PTPRG: variants seen among roughly 807,000 people sequenced by gnomAD.
PTPRG encodes receptor-type tyrosine-protein phosphatase gamma.
A neutral mutation model predicts 165.3 loss-of-function variants in PTPRG; 102 were observed. The ratio of observed to expected loss-of-function variants is 0.62; its 90% CI spans 0.53 to 0.73. The LOEUF (loss-of-function observed/expected upper bound fraction) is 0.73, where lower values mean the gene tolerates loss of function less well. PTPRG is among the 30% of genes least tolerant of loss of function. The probability of loss-of-function intolerance (pLI) is 0.00; values close to 1 mark genes in which losing one functional copy is unlikely to be tolerated. For synonymous variants in PTPRG, 675 were observed against 669.5 expected (o/e 1.01, Z -0.13); for missense variants, 1,866 against 1,861.4 (o/e 1.00, Z -0.05).
At chr3:62,266,975 G>T (rs1166206047) in intron 17 of PTPRG, among the ~76,000 whole-genome samples, 1 of 151,546 alleles carries the variant, frequency 6.6e-6, no homozygotes, top group Non-Finnish European at 1.5e-5. Context: ...GTTCTGTTAG[G>T]GTAGCAGGGA....
chr3:61,710,640 ATTG>A (rs2031503806), intron 1 of PTPRG, among the ~76,000 whole-genome samples: 1 of 151,652 alleles, frequency 6.6e-6, no homozygotes, highest in Non-Finnish European at 1.5e-5. Context: ...CTCATTAGCT[ATTG>A]TTAGTGTTAG....
At chr3:61,890,412 G>GTTTTTTTTTTTTTTTTTT (rs1388100597) in intron 2 of PTPRG, among the ~76,000 whole-genome samples, 11 of 95,414 alleles carry the variant, frequency 1.2e-4, no homozygotes, top group African/African-American at 2.7e-4. Context: ...CTTGTTCTTT[G>GTTTTTTTTTTTTTTTTTT]TTTTTTTTTT....
At chr3:61,594,396 C>G (rs1250836369) in intron 1 of PTPRG, among the ~76,000 whole-genome samples, 3 of 151,908 alleles carry the variant, frequency 2.0e-5, no homozygotes, top group Non-Finnish European at 4.4e-5. Context: ...GCCTGAGGTG[C>G]AGATAGGCTC....
At chr3:61,926,714 A>G (rs927885793) in intron 2 of PTPRG, among the ~76,000 whole-genome samples, 20 of 151,594 alleles carry the variant, frequency 1.3e-4, no homozygotes, top group African/African-American at 4.9e-4. Context: ...TCCCATTCAT[A>G]TAAATGCCAT....
intron 1 of PTPRG, among the ~76,000 whole-genome samples, chr3:61,713,679 T>C (rs1414476851): frequency 1.3e-5 from 2 of 152,192 alleles, no homozygotes; most frequent in East Asian, 3.9e-4. Context: ...CAGTCCCAGA[T>C]TTTACGTGCT....
At chr3:61,915,133 G>A (rs952685702) in intron 2 of PTPRG, among the ~76,000 whole-genome samples, 2 of 152,210 alleles carry the variant, frequency 1.3e-5, no homozygotes, top group East Asian at 3.9e-4. Context: ...GGAGGCTGAG[G>A]CAGGAGAATC....
rs887188869 is a variant in PTPRG at position 62,083,880 on chromosome 3, C to T, written c.615+5622C>T. Among the ~76,000 whole-genome samples the T allele has an allele frequency of 2.0e-5, 3 of 152,102 alleles. No homozygotes were observed. In the South Asian group the frequency reaches 6.2e-4, roughly 32 times the overall value. On this transcript the variant is annotated intron_variant, in intron 5 of 29. Coordinates refer to ENST00000474889, the MANE Select transcript of PTPRG (RefSeq NM_002841.4). ...CAGATGCACATAGAAGTTTGGTATT[C>T]CTGTTCTTTATCTTTGGTTAATTGT...
chr3:61,711,894 T>C (rs992938055), intron 1 of PTPRG, among the ~76,000 whole-genome samples: 1 of 75,234 alleles, frequency 1.3e-5, no homozygotes, highest in Admixed American at 1.7e-4. Context: ...TATTATAGTC[T>C]TTTTTTTTTT....
At chr3:61,733,545 A>G (rs910587270) in intron 1 of PTPRG, among the ~76,000 whole-genome samples, 1 of 152,220 alleles carries the variant, frequency 6.6e-6, no homozygotes, top group African/African-American at 2.4e-5. Flanking sequence ...GTACATGGTA[A>G]GTGCTAAAGA....
At chr3:61,703,410 T>C (rs1170705147) in intron 1 of PTPRG, among the ~76,000 whole-genome samples, 3 of 152,210 alleles carry the variant, frequency 2.0e-5, no homozygotes, top group African/African-American at 7.2e-5. Flanking sequence ...AGTAGCTGTG[T>C]CAACTAGGCT....
Position 62,116,290 on chromosome 3 carries a change from A to G in PTPRG, c.616-16312A>G, listed in dbSNP as rs117432633. 1.5e-3 allele frequency among the ~76,000 whole-genome samples: 227 copies of G among 152,266 alleles called. 3 individuals are homozygous for G. The highest frequency in any genetic ancestry group is 0.011 in the South Asian group (55 of 4,820). On this transcript the variant is annotated intron_variant, in intron 5 of 29. Transcript: ENST00000474889. ...TATCCTTTGGAAAAAGTTAAAATTC[A>G]GCATGATTGCTGTGCTGCCTCCTTT... is the stretch of plus-strand genomic sequence containing the variant.
At chr3:61,598,566 G>A (rs986085728) in intron 1 of PTPRG, among the ~76,000 whole-genome samples, 3 of 152,260 alleles carry the variant, frequency 2.0e-5, no homozygotes, top group Admixed American at 6.5e-5. Flanking sequence ...GCTTAGAGTC[G>A]GGGACCAGTG....
intron 1 of PTPRG, among the ~76,000 whole-genome samples, chr3:61,715,155 T>C (rs958862636): frequency 2.0e-5 from 3 of 151,570 alleles, no homozygotes; most frequent in Non-Finnish European, 4.4e-5. Flanking sequence ...ACAGAGAGAA[T>C]CATCTCCTGC....
chr3:62,150,346 A>G (rs1337367103), intron 6 of PTPRG, among the ~76,000 whole-genome samples: 1 of 152,104 alleles, frequency 6.6e-6, no homozygotes, highest in Non-Finnish European at 1.5e-5. Context: ...GGATGTAGGA[A>G]CCCTTTGATA....
chr3:61,749,052 A>G (rs899881481), intron 2 of PTPRG, 70 bp downstream of exon 2: 16 of 1,184,640 alleles, frequency 1.4e-5, no homozygotes, highest in Non-Finnish European at 2.0e-5. Flanking sequence ...TTGAAAGCAC[A>G]CTTTGAATCA....
chr3:61,670,314 C>T (rs996761172), intron 1 of PTPRG, among the ~76,000 whole-genome samples: 1 of 152,166 alleles, frequency 6.6e-6, no homozygotes, highest in African/African-American at 2.4e-5. Flanking sequence ...TTCTTTCAGG[C>T]CAGCAAGGTG....
At chr3:61,918,264 C>A (rs973256999) in intron 2 of PTPRG, among the ~76,000 whole-genome samples, 1 of 151,988 alleles carries the variant, frequency 6.6e-6, no homozygotes. Flanking sequence ...GGGACTAAAT[C>A]AGAGAGAAAC....
chr3:61,753,170 T>A (rs939354906), intron 2 of PTPRG, among the ~76,000 whole-genome samples: 1 of 152,186 alleles, frequency 6.6e-6, no homozygotes, highest in East Asian at 1.9e-4. Context: ...GATTTTGACA[T>A]GAAAACATCA....
In PTPRG at chr3:62,219,693, G is replaced by C. The variant is rs1405184777; in HGVS notation, c.2288+710G>C. Among the ~76,000 whole-genome samples the C allele has an allele frequency of 6.6e-6, 1 of 152,134 alleles. No individual in the cohort carries two copies. The highest frequency in any genetic ancestry group is 1.5e-5 in the Non-Finnish European group (1 of 68,036). ...GAGGCTTCTGCCCTTTATCTGACAG[G>C]CTTCACCAGTGAGAAACAGGTGTCA... is the stretch of plus-strand genomic sequence containing the variant. On this transcript the variant is annotated intron_variant, in intron 13 of 29. Coordinates refer to ENST00000474889, the MANE Select transcript of PTPRG (RefSeq NM_002841.4). The surrounding 1 kb of genome is among the most constrained non-coding windows in gnomAD (Gnocchi z 4.5).
Sources: allele counts gnomAD v4.1 joint callset (sites outside exome capture counted in the v4.1 genomes callset), GRCh38; gene constraint gnomAD v4.1.1; non-coding constraint Gnocchi (gnomAD v3.1); transcripts MANE v1.5; gene names NCBI Gene and HGNC (gene_info 2026-07-23, HGNC 2026-07-21).